Variants in ZNF521 observed in about 807,000 individuals in gnomAD.
The protein encoded by ZNF521 is LYST-interacting protein 3.
ZNF521 carries 14 observed loss-of-function variants against 105.5 expected under a neutral mutation model. The ratio of observed to expected loss-of-function variants is 0.13; its 90% CI spans 0.09 to 0.21. The LOEUF is 0.21. Ranked by LOEUF, ZNF521 falls within the 10% of genes least tolerant of loss-of-function variation. The pLI, the probability that ZNF521 is intolerant of heterozygous loss-of-function variation, is 1.00. For synonymous variants in ZNF521, 635 were observed against 606.0 expected (o/e 1.05, Z -0.70); for missense variants, 1,233 against 1,629.7 (o/e 0.76, Z 4.19).
intron 2 of ZNF521, among the ~76,000 whole-genome samples, chr18:25,328,400 TAAACACACAC>T (rs1913355916): frequency 1.0e-5 from 1 of 98,762 alleles, no homozygotes; most frequent in Non-Finnish European, 1.9e-5. Context: ...TAGGGGAGGT[TAAACACACAC>T]ACACACACAC....
chr18:25,069,256 A>G (rs2033154356), intron 7 of ZNF521, among the ~76,000 whole-genome samples: 1 of 152,186 alleles, frequency 6.6e-6, no homozygotes, highest in African/African-American at 2.4e-5. Context: ...TTAAAAGTGT[A>G]TACAGCTAAT....
intron 4 of ZNF521, among the ~76,000 whole-genome samples, chr18:25,217,356 G>A (rs1905393578): frequency 6.6e-6 from 1 of 152,168 alleles, no homozygotes; most frequent in African/African-American, 2.4e-5. Flanking sequence ...ATACTTATTG[G>A]AGGTGGAATC....
At chr18:25,340,265 G>A (rs943128476) in intron 2 of ZNF521, among the ~76,000 whole-genome samples, 7 of 152,112 alleles carry the variant, frequency 4.6e-5, no homozygotes, top group Admixed American at 4.6e-4. Context: ...TGAGGTGAGA[G>A]GATCGCTTGA....
At chr18:25,207,803 A>G (rs2036109512) in intron 4 of ZNF521, among the ~76,000 whole-genome samples, 1 of 152,224 alleles carries the variant, frequency 6.6e-6, no homozygotes, top group African/African-American at 2.4e-5. Context: ...CAGAAAGATT[A>G]AACTGCAGCA....
intron 3 of ZNF521, among the ~76,000 whole-genome samples, chr18:25,312,602 G>C (rs1417171687): frequency 9.3e-6 from 1 of 107,382 alleles, no homozygotes; most frequent in African/African-American, 3.5e-5. Context: ...CATGAGGTCA[G>C]GAGATCGAGA....
intron 3 of ZNF521, among the ~76,000 whole-genome samples, chr18:25,245,367 G>C (rs1202239623): frequency 6.6e-6 from 1 of 151,984 alleles, no homozygotes; most frequent in African/African-American, 2.4e-5. Context: ...CCCTATTATC[G>C]ACATCCCCCA....
At position 25,071,896 on chromosome 18, in the gene ZNF521, G is replaced by C. The variant is rs540237675; in HGVS notation, c.3907-9155C>G. ...AGTCACACATGCCTGGTGCGGGAGA[G>C]ATGAGGAGGCAGAGGTAAAAAGGGA... On this transcript the variant is annotated intron_variant, in intron 7 of 7. Coordinates refer to ENST00000361524, the MANE Select transcript of ZNF521 (RefSeq NM_015461.3). Among the ~76,000 whole-genome samples, 5 of 152,284 alleles carry C rather than the reference G, an allele frequency of 3.3e-5. No individual in the cohort carries two copies. In the East Asian group the frequency reaches 9.6e-4, roughly 29 times the overall value.
chr18:25,089,403 C>T, intron 7 of ZNF521, 62 bp downstream of exon 7: 2 of 1,267,652 alleles, frequency 1.6e-6, no homozygotes, highest in Admixed American at 1.7e-5. Context: ...ATTTAAAATG[C>T]CCCTGTTTAC....
chr18:25,237,629 G>A (rs1907002764), intron 3 of ZNF521, among the ~76,000 whole-genome samples: 2 of 152,142 alleles, frequency 1.3e-5, no homozygotes, highest in South Asian at 2.1e-4. Context: ...TGTGGCCACA[G>A]TAATGAGACA....
intron 5 of ZNF521, among the ~76,000 whole-genome samples, chr18:25,108,045 A>G (rs185888700): frequency 6.6e-6 from 1 of 152,372 alleles, no homozygotes; most frequent in African/African-American, 2.4e-5. Context: ...GCTAGAATTT[A>G]GAAGTGAGAT....
chr18:25,205,140 G>GT (rs1431757751), intron 4 of ZNF521, among the ~76,000 whole-genome samples: 4 of 32,836 alleles, frequency 1.2e-4, no homozygotes, highest in Non-Finnish European at 1.8e-4. Context: ...CGTAGTGAAG[G>GT]TAAAAAAAAA....
chr18:25,234,022 A>T (rs1166836522), intron 3 of ZNF521, among the ~76,000 whole-genome samples: 1 of 152,202 alleles, frequency 6.6e-6, no homozygotes, highest in African/African-American at 2.4e-5. Flanking sequence ...ACGTGAAACC[A>T]GTTAAAGAAC....
At chr18:25,065,933 G>GT (rs1278144085) in intron 7 of ZNF521, among the ~76,000 whole-genome samples, 12 of 152,186 alleles carry the variant, frequency 7.9e-5, no homozygotes, top group Non-Finnish European at 1.3e-4. Context: ...GACTGAAGTT[G>GT]TTTCATAAAG....
chr18:25,097,342 T>A (rs1479330288), intron 5 of ZNF521, among the ~76,000 whole-genome samples: 2 of 152,144 alleles, frequency 1.3e-5, no homozygotes, highest in Non-Finnish European at 2.9e-5. Flanking sequence ...AGAATATGAC[T>A]TAGGCTTCAA....
At chr18:25,093,626 G>A (rs1334945104) in intron 5 of ZNF521, among the ~76,000 whole-genome samples, 1 of 152,126 alleles carries the variant, frequency 6.6e-6, no homozygotes, top group Non-Finnish European at 1.5e-5. Flanking sequence ...GCAGAGGATT[G>A]GAATTTGTAA....
chr18:25,240,535 C>T (rs922317085), intron 3 of ZNF521, among the ~76,000 whole-genome samples: 3 of 152,144 alleles, frequency 2.0e-5, no homozygotes, highest in Admixed American at 6.5e-5. Flanking sequence ...ATACGCAGCA[C>T]GCATCTTCTG....
chr18:25,064,296 T>G (rs2032992328), intron 7 of ZNF521, among the ~76,000 whole-genome samples: 1 of 103,020 alleles, frequency 9.7e-6, no homozygotes, highest in African/African-American at 4.0e-5. Context: ...CACCTAAACC[T>G]GCCTAGCCAT....
At chr18:25,304,323 ACAAC>A (rs781479611) in intron 3 of ZNF521, among the ~76,000 whole-genome samples, 5 of 152,230 alleles carry the variant, frequency 3.3e-5, no homozygotes, top group Non-Finnish European at 4.4e-5. Flanking sequence ...TAAAACTGTC[ACAAC>A]CTAACTCACT....
At chr18:25,114,677 C>T (rs1265939466) in intron 5 of ZNF521, among the ~76,000 whole-genome samples, 3 of 152,162 alleles carry the variant, frequency 2.0e-5, no homozygotes, top group South Asian at 2.1e-4. Flanking sequence ...AAAGCAAACA[C>T]CTACCACACA....
Sources: gnomAD v4.1 joint callset for allele counts (sites outside exome capture counted in the v4.1 genomes callset) on GRCh38, gnomAD v4.1.1 for gene constraint, MANE v1.5 for transcripts, NCBI Gene and HGNC (gene_info 2026-07-23, HGNC 2026-07-21) for gene names.